Variants in PLS1 observed in about 807,000 individuals in gnomAD.
PLS1 encodes plastin 1, also known as plastin-1.
Under a neutral mutation model 73.7 loss-of-function variants are expected in PLS1, and 32 were observed. The ratio of observed to expected loss-of-function variants is 0.43; its 90% CI spans 0.33 to 0.58. PLS1 has a LOEUF of 0.58. PLS1 is among the 20% of genes least tolerant of loss of function. The pLI, the probability that PLS1 is intolerant of heterozygous loss-of-function variation, is 0.04. For missense variants in PLS1, 633 were observed against 740.5 expected (o/e 0.85, Z 1.68); for synonymous variants, 217 against 261.3 (o/e 0.83, Z 1.63).
chr3:142,671,047 A>T lies in PLS1; in HGVS notation c.289A>T (p.Asn97Tyr), dbSNP rs2037594215. The T allele has an allele frequency of 6.2e-7, 1 of 1,603,160 alleles. No individual in the cohort carries two copies. The highest frequency in any genetic ancestry group is 8.5e-7 in the Non-Finnish European group (1 of 1,170,510). The change falls in exon 4 of 16, where the codon AAC (asparagine) becomes TAC (tyrosine). Residue 97 changes from asparagine to tyrosine, a missense_variant. Transcript: ENST00000457734. ...DISKTFRKII[N>Y]KREGITAIGG... is the part of the protein sequence containing the mutation. Reference sequence around the variant, plus strand: ...CAGCAAAACATTCCGAAAAATAATTAACAAGAGGGAAGGGATTACTGCTAT... The same window carrying T: ...CAGCAAAACATTCCGAAAAATAATTTACAAGAGGGAAGGGATTACTGCTAT...
intron 2 of PLS1, among the ~76,000 whole-genome samples, chr3:142,666,442 C>G (rs1360675958): frequency 6.6e-6 from 1 of 152,188 alleles, no homozygotes; most frequent in African/African-American, 2.4e-5. Context: ...ATGTCCTCAT[C>G]AACAGCTTCA....
At chr3:142,607,317 G>T (rs2036041669) in intron 1 of PLS1, among the ~76,000 whole-genome samples, 1 of 152,104 alleles carries the variant, frequency 6.6e-6, no homozygotes, top group Admixed American at 6.5e-5. Context: ...GTCTCGCTTT[G>T]TCACCAGGCT....
chr3:142,672,845 C>G (rs1388891246), intron 4 of PLS1, among the ~76,000 whole-genome samples: 1 of 152,108 alleles, frequency 6.6e-6, no homozygotes, highest in East Asian at 1.9e-4. Context: ...CATAGTTGTG[C>G]AATTGTCATC....
At chr3:142,663,230 A>G (rs2037409101) in intron 1 of PLS1, among the ~76,000 whole-genome samples, 1 of 152,130 alleles carries the variant, frequency 6.6e-6, no homozygotes, top group Admixed American at 6.5e-5. Flanking sequence ...AAATAAAAAA[A>G]GAAAGTAGGT....
chr3:142,704,984 AT>A (rs1303601496), intron 14 of PLS1, among the ~76,000 whole-genome samples: 1 of 151,940 alleles, frequency 6.6e-6, no homozygotes, highest in Admixed American at 6.6e-5. Context: ...TGGAAATTAC[AT>A]TGGTTTGGTT....
At chr3:142,624,570 A>G (rs1345834345) in intron 1 of PLS1, among the ~76,000 whole-genome samples, 2 of 152,336 alleles carry the variant, frequency 1.3e-5, no homozygotes, top group East Asian at 3.9e-4. Flanking sequence ...CCCCAGTGCC[A>G]AAGAATTAAA....
intron 1 of PLS1, among the ~76,000 whole-genome samples, chr3:142,652,840 A>C (rs928390508): frequency 1.3e-5 from 2 of 152,112 alleles, no homozygotes; most frequent in African/African-American, 4.8e-5. Context: ...AGCAAGTCTA[A>C]CTCTGCACGC....
At chr3:142,670,323 CTG>C (rs530105605) in intron 3 of PLS1, among the ~76,000 whole-genome samples, 14 of 152,248 alleles carry the variant, frequency 9.2e-5, no homozygotes, top group African/African-American at 3.4e-4. Context: ...GTTTGTGTGA[CTG>C]GAGCTGAGAT....
intron 1 of PLS1, among the ~76,000 whole-genome samples, chr3:142,640,071 A>C (rs1057120069): frequency 6.6e-6 from 1 of 152,244 alleles, no homozygotes; most frequent in Non-Finnish European, 1.5e-5. Context: ...CAATAGAGGA[A>C]ATAAGTGTGA....
At chr3:142,634,735 C>T (rs774532679) in intron 1 of PLS1, among the ~76,000 whole-genome samples, 4 of 151,966 alleles carry the variant, frequency 2.6e-5, no homozygotes, top group Admixed American at 6.6e-5. Flanking sequence ...AAATGTTAAA[C>T]GAAGTCCTCA....
intron 11 of PLS1, among the ~76,000 whole-genome samples, chr3:142,695,078 C>T (rs531358085): frequency 3.9e-5 from 6 of 152,140 alleles, no homozygotes; most frequent in South Asian, 4.1e-4. Flanking sequence ...CCTGGGCTAA[C>T]GATGCATCTT....
At position 142,689,798 on chromosome 3, in the gene PLS1, A is replaced by G; in HGVS notation, c.1162A>G (p.Met388Val). ...LHKPNNNDID[M>V]NLLEGESKEE... is the part of the protein sequence containing the mutation. The stretch of plus-strand genomic sequence containing the variant: ...CAAGCCGAATAATAATGACATCGAT[A>G]TGAATTTACTGGAAGGTGCGTTCTT... The change falls in exon 10 of 16, where the codon ATG (methionine) becomes GTG (valine). Residue 388 changes from methionine (M) to valine (V), a missense_variant. Coordinates refer to ENST00000457734, the MANE Select transcript of PLS1 (RefSeq NM_001145319.2). The G allele has an allele frequency of 6.3e-7, 1 of 1,586,402 alleles. No individual in the cohort carries two copies.
chr3:142,621,284 T>G (rs1233216928), intron 1 of PLS1, among the ~76,000 whole-genome samples: 3 of 152,322 alleles, frequency 2.0e-5, no homozygotes, highest in African/African-American at 7.2e-5. Context: ...TTGAAATTAC[T>G]TGTAACAGAA....
chr3:142,611,347 C>G (rs1396017390), intron 1 of PLS1, among the ~76,000 whole-genome samples: 1 of 152,156 alleles, frequency 6.6e-6, no homozygotes, highest in Admixed American at 6.5e-5. Flanking sequence ...ATTGGTCAAG[C>G]ATGGTGGCTC....
intron 1 of PLS1, among the ~76,000 whole-genome samples, chr3:142,607,878 A>T (rs1453965030): frequency 6.9e-6 from 1 of 145,616 alleles, no homozygotes; most frequent in Non-Finnish European, 1.5e-5. Context: ...ATTTGTCTGA[A>T]TTTTTTTTTT....
rs148154571 is a variant in PLS1 at position 142,684,133 on chromosome 3, T to C, written c.707T>C (p.Val236Ala). The change falls in exon 7 of 16, where the codon GTT (valine) becomes GCT (alanine). Residue 236 changes from valine (V) to alanine (A), a missense_variant. Physicochemically the swap from Val to Ala is moderately conservative, Grantham distance 64. Coordinates refer to ENST00000457734, the MANE Select transcript of PLS1 (RefSeq NM_001145319.2). The part of the protein sequence containing the change: ...VLGLLWQIIK[V>A]GLFADIEISR... ...GGACTTCTCTGGCAGATCATCAAAGTTGGCCTTTTTGCTGATATTGAGATT... is the reference window on the plus strand; with the variant it reads ...GGACTTCTCTGGCAGATCATCAAAGCTGGCCTTTTTGCTGATATTGAGATT... 7,845 of 1,614,058 alleles carry C rather than the reference T, an allele frequency of 4.9e-3. 19 individuals are homozygous for C. The highest frequency in any genetic ancestry group is 5.8e-3 in the Non-Finnish European group (6,879 of 1,179,968).
intron 1 of PLS1, among the ~76,000 whole-genome samples, chr3:142,653,114 G>A (rs2037135497): frequency 6.6e-6 from 1 of 152,142 alleles, no homozygotes; most frequent in South Asian, 2.1e-4. Context: ...CCCCTGACTT[G>A]CACTTAGGTT....
intron 1 of PLS1, among the ~76,000 whole-genome samples, chr3:142,601,497 C>T (rs2035927197): frequency 6.6e-6 from 1 of 151,966 alleles, no homozygotes; most frequent in Admixed American, 6.6e-5. Flanking sequence ...ATAAACCATC[C>T]TGTGAGATAG....
In PLS1 at chr3:142,659,166, C is replaced by T. The variant is rs142896098; in HGVS notation, c.-36-5036C>T. Among the ~76,000 whole-genome samples the T allele has an allele frequency of 6.9e-4, 105 of 151,906 alleles. 1 individual carries two copies. Among genetic ancestry groups the T allele is most frequent in the Admixed American group, 8.5e-4 (13 of 15,272 alleles). On this transcript the variant is annotated intron_variant, in intron 1 of 15. Transcript: ENST00000457734. ...TGCCATTATATTTCATATTTCTAGA[C>T]GAGGAAGAATAAAGGAAAAAGGAAA...
Sources: gnomAD v4.1 joint callset for allele counts (sites outside exome capture counted in the v4.1 genomes callset) on GRCh38, gnomAD v4.1.1 for gene constraint, MANE v1.5 for transcripts, NCBI Gene and HGNC (gene_info 2026-07-23, HGNC 2026-07-21) for gene names.